The following DOT1L variants were observed in gnomAD, a reference collection of about 807,000 sequenced individuals.
The protein encoded by DOT1L is histone-lysine N-methyltransferase, H3 lysine-79 specific.
DOT1L carries 33 observed loss-of-function variants against 153.3 expected under a neutral mutation model. The ratio of observed to expected loss-of-function variants is 0.22; its 90% CI spans 0.16 to 0.29. The LOEUF (loss-of-function observed/expected upper bound fraction) is 0.29. DOT1L is among the 10% of genes least tolerant of loss of function. The probability of loss-of-function intolerance (pLI) is 1.00; values close to 1 mark genes in which losing one functional copy is unlikely to be tolerated. For missense variants in DOT1L, 1,847 were observed against 2,119.9 expected, an observed-to-expected ratio of 0.87 and a Z score of 2.53; for synonymous variants, 1,135 against 965.1, an observed-to-expected ratio of 1.18 and a Z score of -3.26.
intron 1 of DOT1L, among the ~76,000 whole-genome samples, chr19:2,177,768 C>CT (rs890520507): frequency 2.3e-4 from 34 of 146,648 alleles, no homozygotes; most frequent in South Asian, 8.7e-4. Context: ...TTTCTTTTTC[C>CT]TTTTTTTTTT....
intron 26 of DOT1L, 76 bp from the exon 27 acceptor site, chr19:2,226,107 A>G: frequency 6.9e-7 from 1 of 1,442,462 alleles, no homozygotes; most frequent in Admixed American, 2.7e-5. Context: ...GGGCCGTGGC[A>G]GCAGCCCCGG....
At chr19:2,225,087 C>G (rs897963548) in intron 25 of DOT1L, among the ~76,000 whole-genome samples, 12 of 152,236 alleles carry the variant, frequency 7.9e-5, no homozygotes, top group African/African-American at 2.9e-4. Context: ...TCTCACACTT[C>G]TGTGTGCTGG....
intron 18 of DOT1L, chr19:2,214,209 C>T (rs1260936903): frequency 3.4e-6 from 3 of 890,850 alleles, no homozygotes; most frequent in Non-Finnish European, 5.0e-6. Context: ...GTCATGGAGC[C>T]ACACTCTGGC....
At chr19:2,213,141 G>A (rs1450598855) in intron 16 of DOT1L, 1 of 184,048 alleles carries the variant, frequency 5.4e-6, no homozygotes, top group African/African-American at 2.4e-5. Context: ...TCCCTTGGAG[G>A]TGGGCCTCCG....
intron 1 of DOT1L, among the ~76,000 whole-genome samples, chr19:2,164,929 T>C (rs542796836): frequency 2.6e-5 from 4 of 152,356 alleles, no homozygotes; most frequent in African/African-American, 4.8e-5. Context: ...TTGGGACTTC[T>C]CCCCGATCTT....
intron 18 of DOT1L, 115 bp from the exon 19 acceptor site, chr19:2,214,356 C>T: frequency 1.3e-6 from 2 of 1,489,556 alleles, no homozygotes; most frequent in Non-Finnish European, 9.0e-7. Flanking sequence ...GGGGTCTGTG[C>T]CCTAAGCACA....
Position 2,197,225 on chromosome 19 carries a change from T to C in DOT1L, c.651+2648T>C, listed in dbSNP as rs1310010558. Among the ~76,000 whole-genome samples, 2 of 152,200 alleles carry C rather than the reference T, an allele frequency of 1.3e-5. No individual in the cohort carries two copies. Among genetic ancestry groups the C allele is most frequent in the Admixed American group, 1.3e-4 (2 of 15,282 alleles). On this transcript the variant is annotated intron_variant, in intron 7 of 27. Coordinates refer to ENST00000398665, the MANE Select transcript of DOT1L (RefSeq NM_032482.3). The surrounding 1 kb of genome is among the most constrained non-coding windows in gnomAD (Gnocchi z 4.1). The stretch of plus-strand genomic sequence containing the variant: ...TCCAGGGCTGTGGGCCCGGCTCTCC[T>C]TCCCTTTCTCATGGTGATTGTTCCC...
In DOT1L at chr19:2,204,444, A is replaced by C. The variant is rs1052696202; in HGVS notation, c.787+1665A>C. Among the ~76,000 whole-genome samples the C allele has an allele frequency of 6.6e-6, 1 of 151,982 alleles. No individual in the cohort carries two copies. Among genetic ancestry groups the C allele is most frequent in the Middle Eastern group, 3.4e-3 (1 of 294 alleles). On this transcript the variant is annotated intron_variant, in intron 9 of 27. Coordinates refer to ENST00000398665, the MANE Select transcript of DOT1L (RefSeq NM_032482.3). This position sits in a 1 kb window ranked among gnomAD's most constrained non-coding sequence, Gnocchi z 5.7. ...CATGCTTCCCCGCCCAGTCGCCCCC[A>C]CACCCCAGCAGCACTACGGGCCTCC... is the stretch of plus-strand genomic sequence containing the variant.
chr19:2,193,260 G>T lies in DOT1L; in HGVS notation c.494-429G>T, dbSNP rs1255345746. Among the ~76,000 whole-genome samples, 1 of 152,344 alleles carries T rather than the reference G, an allele frequency of 6.6e-6. No homozygotes were observed. The highest frequency in any genetic ancestry group is 1.9e-4 in the East Asian group (1 of 5,192). The stretch of plus-strand genomic sequence containing the variant: ...AGCCTCAGTCAGATCCTGCTCATGA[G>T]CCTTCCTGGGGTGCCATAAGATTTT... On this transcript the variant is annotated intron_variant, in intron 5 of 27. Transcript: ENST00000398665. This position sits in a 1 kb window ranked among gnomAD's most constrained non-coding sequence, Gnocchi z 5.9.
At chr19:2,225,976 C>G (rs1013414774) in intron 26 of DOT1L, among the ~76,000 whole-genome samples, 1 of 152,182 alleles carries the variant, frequency 6.6e-6, no homozygotes, top group Non-Finnish European at 1.5e-5. Context: ...TCATCCTGTG[C>G]TGTAGTCCTC....
chr19:2,208,882 C>G lies in DOT1L; in HGVS notation c.964-53C>G. On this transcript the variant is annotated intron_variant, in intron 11 of 27. Coordinates refer to ENST00000398665, the MANE Select transcript of DOT1L (RefSeq NM_032482.3). This position sits in a 1 kb window ranked among gnomAD's most constrained non-coding sequence, Gnocchi z 4.4. ...TTGTTACCTGGGTGTCCAGACAAAT[C>G]CGAACAGAGATTGGGACTCCCTTCT... 1 of 1,588,068 alleles carries G rather than the reference C, an allele frequency of 6.3e-7. No homozygotes were observed. The highest frequency in any genetic ancestry group is 8.6e-7 in the Non-Finnish European group (1 of 1,163,100).
chr19:2,219,723 C>T (rs1425279381), intron 22 of DOT1L, among the ~76,000 whole-genome samples: 9 of 152,154 alleles, frequency 5.9e-5, no homozygotes, highest in African/African-American at 1.2e-4. Flanking sequence ...GGTGTGTTCT[C>T]GCAAGCGCCC....
intron 2 of DOT1L, among the ~76,000 whole-genome samples, chr19:2,183,420 C>T (rs1346193869): frequency 6.6e-6 from 1 of 152,198 alleles, no homozygotes; most frequent in East Asian, 1.9e-4. Flanking sequence ...ATCCACCCGC[C>T]TCGGCCTCCC....
At position 2,222,106 on chromosome 19, in the gene DOT1L, G is replaced by A. The variant is rs750859277; in HGVS notation, c.2937G>A (p.Gly979=). 2.5e-6 allele frequency: 4 copies of A among 1,613,204 alleles called. No individual in the cohort carries two copies. The African/African-American group carries it at 4.0e-5, about 16-fold the overall frequency. The change falls in exon 24 of 28, where the codon GGG becomes GGA. Residue 979 remains glycine, a synonymous_variant. Coordinates refer to ENST00000398665, the MANE Select transcript of DOT1L (RefSeq NM_032482.3). This position sits in a 1 kb window ranked among gnomAD's most constrained non-coding sequence, Gnocchi z 6.5. The part of the protein sequence containing the change: ...SSSGSLFATV[G]SRSSTPQHPL... The stretch of plus-strand genomic sequence containing the variant: ...CTGGGAGCCTTTTTGCCACCGTGGG[G>A]TCCCGCAGCTCCACGCCACAGCACC...
intron 25 of DOT1L, among the ~76,000 whole-genome samples, chr19:2,224,615 C>G (rs969553115): frequency 2.0e-5 from 3 of 151,960 alleles, no homozygotes; most frequent in African/African-American, 7.3e-5. Context: ...TACAGGCACA[C>G]GCTACCACCG....
In DOT1L at chr19:2,222,751, T is replaced by G; in HGVS notation, c.3390+192T>G. On this transcript the variant is annotated intron_variant, in intron 24 of 27. Coordinates refer to ENST00000398665, the MANE Select transcript of DOT1L (RefSeq NM_032482.3). The surrounding 1 kb of genome is among the most constrained non-coding windows in gnomAD (Gnocchi z 6.5). ...CCGTCTCTACCAAAAATACAAAAGATTAGCCGGGCGTGGTGGCGGGTGCCT... is the reference window on the plus strand; with the variant it reads ...CCGTCTCTACCAAAAATACAAAAGAGTAGCCGGGCGTGGTGGCGGGTGCCT... 1 of 610,934 alleles carries G rather than the reference T, an allele frequency of 1.6e-6. No individual in the cohort carries two copies. Among genetic ancestry groups the G allele is most frequent in the Non-Finnish European group, 2.7e-6 (1 of 369,566 alleles). 37.8% of individuals were successfully genotyped at this position (610,934 alleles called of 1,614,324 possible).
intron 1 of DOT1L, among the ~76,000 whole-genome samples, chr19:2,177,357 C>T (rs1055749603): frequency 5.9e-5 from 9 of 152,108 alleles, no homozygotes; most frequent in Admixed American, 2.0e-4. Flanking sequence ...AGTGCAATGC[C>T]GCGATCTCGG....
At chr19:2,182,060 T>TAA (rs1023787986) in intron 2 of DOT1L, among the ~76,000 whole-genome samples, 4 of 150,616 alleles carry the variant, frequency 2.7e-5, no homozygotes, top group South Asian at 2.1e-4. Context: ...CTGTCTCTAC[T>TAA]AAAAAAAAAC....
At chr19:2,213,669 G>GTGGCAGC (rs775765088) in intron 17 of DOT1L, 29 bp downstream of exon 17, 1 of 1,612,490 alleles carries the variant, frequency 6.2e-7, no homozygotes. Flanking sequence ...CAGGTGGCAG[G>GTGGCAGC]TGGCAGCTGG....
Sources: allele counts gnomAD v4.1 joint callset (sites outside exome capture counted in the v4.1 genomes callset), GRCh38; gene constraint gnomAD v4.1.1; non-coding constraint Gnocchi (gnomAD v3.1); transcripts MANE v1.5; gene names NCBI Gene and HGNC (gene_info 2026-07-23, HGNC 2026-07-21).